Variants in KIN observed in about 807,000 individuals in gnomAD.
KIN encodes DNA/RNA-binding protein KIN17.
KIN carries 47 observed loss-of-function variants against 63.0 expected under a neutral mutation model. The ratio of observed to expected loss-of-function variants is 0.75; its 90% CI spans 0.59 to 0.95. KIN has a LOEUF of 0.95. KIN is among the 40% of genes least tolerant of loss of function. The probability of loss-of-function intolerance (pLI) is 0.00; values close to 1 mark genes in which losing one functional copy is unlikely to be tolerated. For synonymous variants in KIN, 160 were observed against 157.7 expected, an observed-to-expected ratio of 1.01 and a Z score of -0.11; for missense variants, 408 against 460.9, an observed-to-expected ratio of 0.89 and a Z score of 1.05.
chr10:7,781,687 C>A (rs185148955), intron 2 of KIN, among the ~76,000 whole-genome samples: 2 of 146,704 alleles, frequency 1.4e-5, no homozygotes, highest in Admixed American at 1.4e-4. Context: ...GCAGGAGGAT[C>A]GCCTGAGCCC....
Position 7,755,922 on chromosome 10 carries a change from T to C in KIN, c.*158A>G, listed in dbSNP as rs1206677686. 4 of 459,086 alleles carry C rather than the reference T, an allele frequency of 8.7e-6. No individual in the cohort carries two copies. Among genetic ancestry groups the C allele is most frequent in the Non-Finnish European group, 1.5e-5 (4 of 264,096 alleles). The allele number at this position is 459,086 out of a possible 1,614,324, so 28.4% of individuals were successfully genotyped here. On this transcript the variant is annotated 3_prime_UTR_variant, in exon 13 of 13. Coordinates refer to ENST00000379562, the MANE Select transcript of KIN (RefSeq NM_012311.4). ...ACCTCATGAGACATAATTAAATTCT[T>C]CTCAAAGTTTAGCTGAACAACTATA...
In KIN at chr10:7,776,600, G is replaced by A. The variant is rs546735784; in HGVS notation, c.559-801C>T. Among the ~76,000 whole-genome samples the A allele has an allele frequency of 2.2e-4, 33 of 151,090 alleles. No individual in the cohort carries two copies. The South Asian group carries it at 2.9e-3, about 13-fold the overall frequency. On this transcript the variant is annotated intron_variant, in intron 5 of 12. Coordinates refer to ENST00000379562, the MANE Select transcript of KIN (RefSeq NM_012311.4). ...ACAAAAATTAGCCCGGCATGGTGGC[G>A]GGCGCCTGTAATCCCAGCTACTTGG...
intron 9 of KIN, among the ~76,000 whole-genome samples, chr10:7,764,604 G>A (rs534093360): frequency 6.6e-6 from 1 of 152,294 alleles, no homozygotes; most frequent in East Asian, 1.9e-4. Context: ...TGGGGAGAGG[G>A]TATTTAATAG....
chr10:7,760,118 T>C (rs553732139), intron 11 of KIN, 128 bp from the exon 12 acceptor site: 1 of 514,098 alleles, frequency 1.9e-6, no homozygotes, highest in South Asian at 3.1e-5. Context: ...TTAGAAGTTC[T>C]CAATCATTTA....
At chr10:7,767,508 T>C (rs547617668) in intron 8 of KIN, among the ~76,000 whole-genome samples, 1 of 152,108 alleles carries the variant, frequency 6.6e-6, no homozygotes, top group Non-Finnish European at 1.5e-5. Context: ...CATCTAAACA[T>C]TATACTTGAA....
rs139339524 is a variant in KIN, at chr10:7,777,488, T to C, written c.558+1350A>G. On this transcript the variant is annotated intron_variant, in intron 5 of 12. Transcript: ENST00000379562. ...CAGTGAACTGTACACCTAAGATTAA[T>C]GCACCTCATACACTTTAATCAATGT... Among the ~76,000 whole-genome samples, 21 of 152,332 alleles carry C rather than the reference T, an allele frequency of 1.4e-4. No homozygotes were observed. In the East Asian group the frequency reaches 3.3e-3, roughly 24 times the overall value.
At chr10:7,775,670 A>G (rs1835754929) in intron 6 of KIN, 81 bp downstream of exon 6, 1 of 680,526 alleles carries the variant, frequency 1.5e-6, no homozygotes, top group African/African-American at 1.8e-5. Flanking sequence ...ATTCTCAGAT[A>G]TGTTGACAAG....
chr10:7,761,204 G>A (rs1362670370), intron 11 of KIN: 3 of 152,246 alleles, frequency 2.0e-5, no homozygotes, highest in African/African-American at 7.2e-5. Context: ...CTTTACATAT[G>A]TGTGATTTAT....
intron 9 of KIN, among the ~76,000 whole-genome samples, chr10:7,765,049 C>T (rs1157269080): frequency 4.0e-5 from 6 of 151,186 alleles, no homozygotes; most frequent in Admixed American, 6.6e-5. Flanking sequence ...ATCTCAGCTA[C>T]TAGGGAGGCT....
At chr10:7,786,783 G>C (rs1239307049) in intron 1 of KIN, among the ~76,000 whole-genome samples, 1 of 152,118 alleles carries the variant, frequency 6.6e-6, no homozygotes, top group African/African-American at 2.4e-5. Flanking sequence ...AAACCACCCA[G>C]TCTACTGCAC....
In KIN at chr10:7,759,991, C is replaced by A; in HGVS notation, c.1019-1G>T. 7.3e-7 allele frequency: 1 copy of A among 1,371,822 alleles called. No homozygotes were observed. 85.0% of individuals were successfully genotyped at this position (1,371,822 alleles called of 1,614,324 possible). A position where few individuals can be genotyped will look rare whatever the true frequency, so the allele number is the denominator to read the frequency against. Reference sequence around the variant, plus strand: ...CCATTTAAAACTAGAATTCTTTTTCCTATGATGGAAAAGAATATAAAAATT... The same window carrying A: ...CCATTTAAAACTAGAATTCTTTTTCATATGATGGAAAAGAATATAAAAATT... On this transcript the variant is annotated splice_acceptor_variant, in intron 11 of 12. Transcript: ENST00000379562. LOFTEE classifies it high-confidence loss of function.
chr10:7,762,409 C>T (rs112690342), intron 11 of KIN, 48 bp downstream of exon 11: 121 of 1,054,606 alleles, frequency 1.1e-4, no homozygotes, highest in African/African-American at 6.9e-4. Flanking sequence ...AAAATGGAAC[C>T]GCTCATTTTG....
intron 7 of KIN, among the ~76,000 whole-genome samples, chr10:7,773,686 T>C (rs749057582): frequency 1.3e-5 from 2 of 152,176 alleles, no homozygotes; most frequent in Non-Finnish European, 2.9e-5. Flanking sequence ...ACTTATTCAA[T>C]AGTGTAAATA....
intron 12 of KIN, among the ~76,000 whole-genome samples, chr10:7,757,746 A>G (rs371340454): frequency 1.2e-4 from 18 of 152,110 alleles, no homozygotes; most frequent in East Asian, 5.8e-4. Context: ...ATTTTTCATT[A>G]TCATGTTTAA....
At position 7,753,302 on chromosome 10, in the gene KIN, A is replaced by C. The variant is rs1242559411; in HGVS notation, c.*2778T>G. On this transcript the variant is annotated 3_prime_UTR_variant, in exon 13 of 13. Transcript: ENST00000379562. ...ATTTCAGAAAGACGTTGGAGAATTAAATGTGGGAGGCAGACATGAAACATT... is the reference window on the plus strand; with the variant it reads ...ATTTCAGAAAGACGTTGGAGAATTACATGTGGGAGGCAGACATGAAACATT... 6.6e-6 allele frequency: 1 copy of C among 152,212 alleles called. No individual in the cohort carries two copies. Among genetic ancestry groups the C allele is most frequent in the Non-Finnish European group, 1.5e-5 (1 of 68,038 alleles). 9.4% of individuals were successfully genotyped at this position (152,212 alleles called of 1,614,324 possible). A position where few individuals can be genotyped will look rare whatever the true frequency, so the allele number is the denominator to read the frequency against.
chr10:7,779,578 T>C (rs762570704), intron 4 of KIN, among the ~76,000 whole-genome samples: 5 of 152,230 alleles, frequency 3.3e-5, no homozygotes, highest in Admixed American at 1.3e-4. Context: ...TGGTTGCATC[T>C]GTACTGAACA....
intron 12 of KIN, 105 bp downstream of exon 12, chr10:7,759,785 T>A (rs914125268): frequency 1.3e-5 from 8 of 627,118 alleles, no homozygotes; most frequent in Non-Finnish European, 2.2e-5. Flanking sequence ...GATAGAAGGC[T>A]AACAAAAAAC....
At position 7,773,936 on chromosome 10, in the gene KIN, G is replaced by GT. The variant is rs543011393; in HGVS notation, c.668+894dup. 1.2e-4 allele frequency among the ~76,000 whole-genome samples: 19 copies of GT among 152,362 alleles called. No homozygotes were observed. In the South Asian group the frequency reaches 3.9e-3, roughly 32 times the overall value. On this transcript the variant is annotated intron_variant, in intron 7 of 12. Transcript: ENST00000379562. Reference sequence around the variant, plus strand: ...CATAAAAATTGCAAGAGAAGATAATGTAGAAAGTAGGTAGAACTACCTGAC... The same window carrying GT: ...CATAAAAATTGCAAGAGAAGATAATGTTAGAAAGTAGGTAGAACTACCTGAC...
At chr10:7,784,074 G>A (rs1835950281) in intron 1 of KIN, among the ~76,000 whole-genome samples, 1 of 152,022 alleles carries the variant, frequency 6.6e-6, no homozygotes. Flanking sequence ...AAGAAACTTG[G>A]TATCAGCCTC....
Sources: allele counts gnomAD v4.1 joint callset (sites outside exome capture counted in the v4.1 genomes callset), GRCh38; gene constraint gnomAD v4.1.1; transcripts MANE v1.5; gene names NCBI Gene and HGNC (gene_info 2026-07-23, HGNC 2026-07-21).